Variants in NPAS3 observed in about 807,000 individuals in gnomAD.
NPAS3 encodes the protein neuronal PAS domain protein 3.
In NPAS3, 14 loss-of-function variants were observed where a neutral mutation model predicts 73.1. The observed-to-expected ratio is 0.19, with a 90% CI of 0.13 to 0.30. The LOEUF is 0.30. Ranked by LOEUF, NPAS3 falls within the 10% of genes least tolerant of loss-of-function variation. The pLI, the probability that NPAS3 is intolerant of heterozygous loss-of-function variation, is 1.00. For synonymous variants in NPAS3, 620 were observed against 541.5 expected (o/e 1.14, Z -2.01); for missense variants, 1,096 against 1,250.0 (o/e 0.88, Z 1.86).
At chr14:33,405,924 T>A (rs2047645395) in intron 4 of NPAS3, among the ~76,000 whole-genome samples, 1 of 152,128 alleles carries the variant, frequency 6.6e-6, no homozygotes, top group African/African-American at 2.4e-5. Flanking sequence ...AACCACTTTA[T>A]TTTTGTTTTG....
At chr14:33,583,708 T>C (rs1201053478) in intron 5 of NPAS3, among the ~76,000 whole-genome samples, 1 of 152,218 alleles carries the variant, frequency 6.6e-6, no homozygotes, top group Admixed American at 6.5e-5. Flanking sequence ...TTAAAGAGAC[T>C]ATAGACATAT....
chr14:33,639,069 G>A (rs1014761903), intron 5 of NPAS3, among the ~76,000 whole-genome samples: 1 of 152,178 alleles, frequency 6.6e-6, no homozygotes, highest in Non-Finnish European at 1.5e-5. Context: ...ATACACCAAA[G>A]CCTTGGCGTA....
At chr14:33,171,173 T>A (rs113548512) in intron 2 of NPAS3, among the ~76,000 whole-genome samples, 2 of 152,232 alleles carry the variant, frequency 1.3e-5, no homozygotes, top group African/African-American at 4.8e-5. Flanking sequence ...CCGAGTGCAT[T>A]GTCAACGAGC....
At chr14:33,185,122 T>G (rs1019457928) in intron 2 of NPAS3, among the ~76,000 whole-genome samples, 7 of 152,196 alleles carry the variant, frequency 4.6e-5, no homozygotes, top group Non-Finnish European at 8.8e-5. Flanking sequence ...CAATCAAGAT[T>G]ATCCTGCTAG....
At chr14:33,550,071 C>T (rs1386259798) in intron 4 of NPAS3, among the ~76,000 whole-genome samples, 1 of 152,156 alleles carries the variant, frequency 6.6e-6, no homozygotes, top group African/African-American at 2.4e-5. Flanking sequence ...AGATTACCAA[C>T]ACCAAAAACC....
At chr14:33,024,142 ATGTGTGTGTG>A (rs5807700) in intron 1 of NPAS3, among the ~76,000 whole-genome samples, 1 of 143,256 alleles carries the variant, frequency 7.0e-6, no homozygotes, top group Admixed American at 6.9e-5. Context: ...GTGTGTGTAT[ATGTGTGTGTG>A]TGTGTGTGTG....
chr14:33,483,386 G>A (rs938718489), intron 4 of NPAS3, among the ~76,000 whole-genome samples: 12 of 152,222 alleles, frequency 7.9e-5, no homozygotes, highest in African/African-American at 2.2e-4. Context: ...CAAGGATAGC[G>A]TTTCACTAGG....
chr14:33,426,221 TAAG>T (rs1013181605), intron 4 of NPAS3, among the ~76,000 whole-genome samples: 46 of 152,120 alleles, frequency 3.0e-4, no homozygotes, highest in African/African-American at 1.1e-3. Context: ...ACCTCCATGT[TAAG>T]AAGAAAGCAT....
chr14:33,631,837 A>G (rs2058385533), intron 5 of NPAS3, among the ~76,000 whole-genome samples: 1 of 152,212 alleles, frequency 6.6e-6, no homozygotes, highest in African/African-American at 2.4e-5. Flanking sequence ...GGTCGTGGCA[A>G]CAAGCTAAGG....
intron 1 of NPAS3, among the ~76,000 whole-genome samples, chr14:32,991,675 G>A (rs750736650): frequency 2.0e-5 from 3 of 152,194 alleles, no homozygotes; most frequent in Admixed American, 6.5e-5. Flanking sequence ...CCCATGATTA[G>A]TTTAAAGCGA....
Position 33,800,620 on chromosome 14 carries a change from C to T in NPAS3, c.2313C>T (p.Gly771=), listed in dbSNP as rs1269285240. 7 of 1,351,984 alleles carry T rather than the reference C, an allele frequency of 5.2e-6. No individual in the cohort carries two copies. Among genetic ancestry groups the T allele is most frequent in the Non-Finnish European group, 5.7e-6 (6 of 1,059,626 alleles). 83.7% of individuals were successfully genotyped at this position (1,351,984 alleles called of 1,614,324 possible). ...GCGGCGGGGGCGGGGGCGGGGGCGGCGGCGCGGGGGGCGGCGGCCCCAGCG... is the reference window on the plus strand; with the variant it reads ...GCGGCGGGGGCGGGGGCGGGGGCGGTGGCGCGGGGGGCGGCGGCCCCAGCG... The change falls in exon 12 of 12, where the codon GGC becomes GGT. Residue 771 remains glycine, a synonymous_variant. Coordinates refer to ENST00000356141, the Ensembl canonical transcript of NPAS3. This position sits in a 1 kb window ranked among gnomAD's most constrained non-coding sequence, Gnocchi z 6.5.
At chr14:33,484,481 G>A (rs2051485193) in intron 4 of NPAS3, among the ~76,000 whole-genome samples, 2 of 152,120 alleles carry the variant, frequency 1.3e-5, no homozygotes, top group South Asian at 2.1e-4. Flanking sequence ...ACTCAGTAAC[G>A]GCCAAATGCT....
intron 3 of NPAS3, among the ~76,000 whole-genome samples, chr14:33,352,613 C>T (rs2045122289): frequency 6.6e-6 from 1 of 152,088 alleles, no homozygotes; most frequent in South Asian, 2.1e-4. Flanking sequence ...TTTCTGACTC[C>T]CAACAATTGT....
At chr14:33,437,615 C>T (rs900286169) in intron 4 of NPAS3, among the ~76,000 whole-genome samples, 2 of 152,202 alleles carry the variant, frequency 1.3e-5, no homozygotes. Context: ...TTTGAGAGGA[C>T]AACCACTTCA....
chr14:33,784,016 C>T (rs1324266413), intron 9 of NPAS3, among the ~76,000 whole-genome samples: 1 of 152,106 alleles, frequency 6.6e-6, no homozygotes, highest in Non-Finnish European at 1.5e-5. Context: ...TCAGGGTACT[C>T]GATCAGTATT....
intron 4 of NPAS3, among the ~76,000 whole-genome samples, chr14:33,480,557 C>A (rs1161701717): frequency 8.2e-6 from 1 of 121,998 alleles, no homozygotes; most frequent in Non-Finnish European, 1.7e-5. Flanking sequence ...CCCTTCCTCC[C>A]TCCCTCCCTC....
At chr14:33,508,981 G>A (rs1218090964) in intron 4 of NPAS3, among the ~76,000 whole-genome samples, 1 of 151,972 alleles carries the variant, frequency 6.6e-6, no homozygotes, top group Non-Finnish European at 1.5e-5. Context: ...TACTGTTTCA[G>A]AGGGTGGTGG....
intron 4 of NPAS3, among the ~76,000 whole-genome samples, chr14:33,430,897 G>T (rs992125195): frequency 2.0e-4 from 31 of 152,160 alleles, no homozygotes; most frequent in Admixed American, 2.0e-3. Context: ...AACTGTCTTG[G>T]TACAGTCAGT....
intron 6 of NPAS3, among the ~76,000 whole-genome samples, chr14:33,721,061 A>G: frequency 6.6e-6 from 1 of 152,170 alleles, no homozygotes; most frequent in East Asian, 1.9e-4. Context: ...AGGAATTTCT[A>G]TTGTTATTTT....
Sources: gnomAD v4.1 joint callset for allele counts (sites outside exome capture counted in the v4.1 genomes callset) on GRCh38, gnomAD v4.1.1 for gene constraint, Gnocchi (gnomAD v3.1) non-coding constraint, MANE v1.5 for transcripts, NCBI Gene and HGNC (gene_info 2026-07-23, HGNC 2026-07-21) for gene names.